TMEM74: variants seen among roughly 807,000 people sequenced by gnomAD.
The protein encoded by TMEM74 is transmembrane protein 74.
TMEM74 carries 13 observed loss-of-function variants against 18.1 expected under a neutral mutation model. That is an observed-to-expected ratio of 0.72 (90% confidence interval 0.47 to 1.14). The LOEUF (loss-of-function observed/expected upper bound fraction) is 1.14, where lower values mean the gene tolerates loss of function less well. Among genes scored for constraint, TMEM74 ranks in the 50% most tolerant of loss-of-function variants. The pLI is 0.00. For synonymous variants in TMEM74, 159 were observed against 146.6 expected (o/e 1.08, Z -0.61); for missense variants, 372 against 375.9 (o/e 0.99, Z 0.09).
intron 1 of TMEM74, among the ~76,000 whole-genome samples, chr8:108,760,054 T>C (rs745524705): frequency 6.6e-6 from 1 of 151,822 alleles, no homozygotes; most frequent in Non-Finnish European, 1.5e-5. Flanking sequence ...ATGCCTGTAG[T>C]TGTAGCTACT....
intron 1 of TMEM74, among the ~76,000 whole-genome samples, chr8:108,684,241 T>G (rs1177298830): frequency 7.9e-5 from 12 of 152,128 alleles, no homozygotes; most frequent in Admixed American, 5.9e-4. Context: ...GAATTCTCTT[T>G]CCTTTGCATC....
chr8:108,668,851 C>T (rs1410699524), intron 1 of TMEM74, among the ~76,000 whole-genome samples: 1 of 151,928 alleles, frequency 6.6e-6, no homozygotes, highest in East Asian at 1.9e-4. Context: ...TGTTTTTTCC[C>T]GTCCTCCAGA....
intron 2 of TMEM74, among the ~76,000 whole-genome samples, chr8:108,650,525 TCTC>T (rs572220136): frequency 2.9e-4 from 44 of 152,294 alleles, no homozygotes; most frequent in African/African-American, 1.1e-3. Context: ...AGCCCACTAT[TCTC>T]CTCAGTTGTC....
chr8:108,702,879 C>A (rs1813351228), intron 1 of TMEM74, among the ~76,000 whole-genome samples: 1 of 148,868 alleles, frequency 6.7e-6, no homozygotes, highest in Non-Finnish European at 1.5e-5. Flanking sequence ...AAAAATAAAG[C>A]CTGTTAAAAA....
intron 1 of TMEM74, among the ~76,000 whole-genome samples, chr8:108,721,647 A>G (rs540423841): frequency 1.6e-4 from 25 of 152,342 alleles, no homozygotes; most frequent in Non-Finnish European, 2.8e-4. Flanking sequence ...AGCAATTACA[A>G]CTTTTCTAAA....
At chr8:108,756,461 A>G (rs1011171733) in intron 1 of TMEM74, among the ~76,000 whole-genome samples, 2 of 150,482 alleles carry the variant, frequency 1.3e-5, no homozygotes, top group Non-Finnish European at 1.5e-5. Flanking sequence ...ATTTTAGCTC[A>G]CCTTAGGTCA....
At chr8:108,775,792 C>T (rs1330061983), downstream of TMEM74, among the ~76,000 whole-genome samples, 4 of 152,166 alleles carry the variant, frequency 2.6e-5, no homozygotes, top group African/African-American at 9.7e-5. Flanking sequence ...CTGAGCTCAT[C>T]ATTTGTATAA....
chr8:108,750,229 G>A (rs1016152242), intron 1 of TMEM74, among the ~76,000 whole-genome samples: 1 of 152,160 alleles, frequency 6.6e-6, no homozygotes, highest in African/African-American at 2.4e-5. Flanking sequence ...AAAGTGACTT[G>A]TGTAAACATT....
intron 2 of TMEM74, chr8:108,626,433 G>A (rs1449900330): frequency 6.6e-6 from 1 of 152,012 alleles, no homozygotes; most frequent in Non-Finnish European, 1.5e-5. Flanking sequence ...AGATGGGCTG[G>A]TTGCAGTATT....
intron 1 of TMEM74, among the ~76,000 whole-genome samples, chr8:108,697,140 A>G (rs1813288466): frequency 6.6e-6 from 1 of 152,116 alleles, no homozygotes; most frequent in Non-Finnish European, 1.5e-5. Context: ...GTGATCTTCT[A>G]GAAGATCATC....
chr8:108,707,183 CG>C (rs1813424267), intron 1 of TMEM74, among the ~76,000 whole-genome samples: 1 of 2,072 alleles, frequency 4.8e-4, no homozygotes. Context: ...CGGGGCCTGT[CG>C]GGGGGTGGGG....
At chr8:108,786,805 T>C (rs1028631001) in intron 1 of TMEM74, among the ~76,000 whole-genome samples, 3 of 152,194 alleles carry the variant, frequency 2.0e-5, no homozygotes, top group Admixed American at 1.3e-4. Flanking sequence ...TAGCCTACCT[T>C]GGATAAAATC....
At position 108,658,062 on chromosome 8, in the gene TMEM74, C is replaced by T. The variant is rs887533163; in HGVS notation, n.120-2625G>A. ...GGAAAATGAGAAGACCCCAAATCAT[C>T]GCAGAGAACAAGCTGACCAGCTTGT... On this transcript the variant is annotated intron_variant and non_coding_transcript_variant, in intron 1 of 3. Coordinates refer to the TMEM74 transcript ENST00000518838. 4.6e-5 allele frequency among the ~76,000 whole-genome samples: 7 copies of T among 151,056 alleles called. No homozygotes were observed. In the South Asian group the frequency reaches 8.4e-4, roughly 18 times the overall value.
intron 2 of TMEM74, among the ~76,000 whole-genome samples, chr8:108,650,038 G>A (rs1306895176): frequency 6.6e-6 from 1 of 152,060 alleles, no homozygotes; most frequent in Admixed American, 6.6e-5. Context: ...TTTATCAGCT[G>A]CATGCTTTTT....
At chr8:108,725,020 G>A (rs1472865006) in intron 1 of TMEM74, among the ~76,000 whole-genome samples, 1 of 152,100 alleles carries the variant, frequency 6.6e-6, no homozygotes, top group Non-Finnish European at 1.5e-5. Context: ...ACTGTGTTCT[G>A]CTTCATTCAC....
At chr8:108,739,957 G>A (rs907180825) in intron 1 of TMEM74, among the ~76,000 whole-genome samples, 2 of 152,118 alleles carry the variant, frequency 1.3e-5, no homozygotes, top group Non-Finnish European at 2.9e-5. Context: ...CCGAGCTCTG[G>A]GAGCCCACAC....
chr8:108,786,176 T>G (rs907550734), intron 1 of TMEM74, among the ~76,000 whole-genome samples: 13 of 152,308 alleles, frequency 8.5e-5, no homozygotes, highest in African/African-American at 3.1e-4. Context: ...AGAAGCTATT[T>G]CCAAGGTTAC....
At chr8:108,609,287 AAGC>A (rs1812310094) in intron 2 of TMEM74, among the ~76,000 whole-genome samples, 1 of 152,146 alleles carries the variant, frequency 6.6e-6, no homozygotes, top group Admixed American at 6.6e-5. Context: ...TTCAGGAGAG[AAGC>A]AGCTGAACCT....
At chr8:108,765,583 A>G (rs1469922687) in intron 1 of TMEM74, among the ~76,000 whole-genome samples, 1 of 151,440 alleles carries the variant, frequency 6.6e-6, no homozygotes, top group Non-Finnish European at 1.5e-5. Context: ...AATTTTTTGT[A>G]TGTTTAGTAG....
Sources: allele counts gnomAD v4.1 joint callset (sites outside exome capture counted in the v4.1 genomes callset), GRCh38; gene constraint gnomAD v4.1.1; transcripts MANE v1.5; gene names NCBI Gene and HGNC (gene_info 2026-07-23, HGNC 2026-07-21).